Variants in MYO1E observed in about 807,000 individuals in gnomAD.
The protein encoded by MYO1E is unconventional myosin-Ie.
MYO1E carries 68 observed loss-of-function variants against 151.1 expected under a neutral mutation model. The observed-to-expected ratio is 0.45, with a 90% CI of 0.37 to 0.55. The LOEUF is 0.55. Among genes scored for constraint, MYO1E ranks in the 20% least tolerant of loss-of-function variants. The pLI is 0.00. For missense variants in MYO1E, 1,363 were observed against 1,389.3 expected, an observed-to-expected ratio of 0.98 and a Z score of 0.30; for synonymous variants, 601 against 501.7, an observed-to-expected ratio of 1.20 and a Z score of -2.64.
rs537271273 is a variant in MYO1E at position 59,174,830 on chromosome 15, G to A, written c.2050-590C>T. Among the ~76,000 whole-genome samples, 15 of 152,206 alleles carry A rather than the reference G, an allele frequency of 9.9e-5. No homozygotes were observed. In the South Asian group the frequency reaches 3.1e-3, roughly 32 times the overall value. On this transcript the variant is annotated intron_variant, in intron 19 of 27. Transcript: ENST00000288235. ...ATAATAACCACAGTGACTGGAGCTG[G>A]ACGTGAGGTGTGTTAATGAGGACTT...
At chr15:59,250,500 C>G (rs547294399) in intron 4 of MYO1E, among the ~76,000 whole-genome samples, 30 of 152,286 alleles carry the variant, frequency 2.0e-4, no homozygotes, top group Admixed American at 1.6e-3. Flanking sequence ...CCCTCCCAGA[C>G]CTCGCCCTCA....
At chr15:59,172,746 T>C (rs2079602968) in intron 21 of MYO1E, among the ~76,000 whole-genome samples, 1 of 152,236 alleles carries the variant, frequency 6.6e-6, no homozygotes, top group Non-Finnish European at 1.5e-5. Context: ...ATTTTCATTC[T>C]AAAATACTGA....
intron 1 of MYO1E, among the ~76,000 whole-genome samples, chr15:59,307,007 G>C (rs2080518514): frequency 6.6e-6 from 1 of 152,212 alleles, no homozygotes; most frequent in Non-Finnish European, 1.5e-5. Context: ...GGAACCGCTG[G>C]TCAGAGACTT....
intron 1 of MYO1E, chr15:59,341,398 A>G (rs1477633092): frequency 6.6e-6 from 1 of 152,158 alleles, no homozygotes; most frequent in Admixed American, 6.5e-5. Context: ...CAATTTTAGT[A>G]TACGTGTTAC....
chr15:59,165,045 C>A (rs969365691), intron 22 of MYO1E, among the ~76,000 whole-genome samples: 2 of 152,192 alleles, frequency 1.3e-5, no homozygotes, highest in Admixed American at 1.3e-4. Flanking sequence ...AAAGACTGGG[C>A]CTTCACCAGA....
chr15:59,344,019 A>G (rs909071254), intron 1 of MYO1E, among the ~76,000 whole-genome samples: 9 of 152,124 alleles, frequency 5.9e-5, no homozygotes, highest in African/African-American at 2.2e-4. Flanking sequence ...TGGTCAATTT[A>G]TTTCATTTGG....
At chr15:59,248,033 C>T (rs1381100073) in intron 4 of MYO1E, among the ~76,000 whole-genome samples, 1 of 132,604 alleles carries the variant, frequency 7.5e-6, no homozygotes, top group Non-Finnish European at 1.5e-5. Context: ...AAGGCTGAGG[C>T]AAGAGAATCA....
intron 1 of MYO1E, among the ~76,000 whole-genome samples, chr15:59,296,494 C>A (rs558544220): frequency 1.3e-5 from 2 of 152,200 alleles, no homozygotes; most frequent in South Asian, 2.1e-4. Context: ...CCAACACAGG[C>A]CAGCATGAAG....
rs1225011014 is a variant in MYO1E, at chr15:59,133,645, A to G, written c.*3735T>C. 5 of 152,270 alleles carry G rather than the reference A, an allele frequency of 3.3e-5. No individual in the cohort carries two copies. The highest frequency in any genetic ancestry group is 9.6e-5 in the African/African-American group (4 of 41,458). The allele number at this position is 152,270 out of a possible 1,614,324, so 9.4% of individuals were successfully genotyped here. On this transcript the variant is annotated 3_prime_UTR_variant, in exon 28 of 28. Transcript: ENST00000288235. The stretch of plus-strand genomic sequence containing the variant: ...AGGGAAAGAGGGCAGAATTGCAGAA[A>G]GGCTCCTCTGGTCTTTCTTTTGATC...
In MYO1E at chr15:59,234,236, G is replaced by A. The variant is rs571386450; in HGVS notation, c.420+2349C>T. ...CTGATGGATGGATGGATGGATGGAT[G>A]GATGGATGGGTGCATGGATGGATGG... On this transcript the variant is annotated intron_variant, in intron 5 of 27. Coordinates refer to ENST00000288235, the MANE Select transcript of MYO1E (RefSeq NM_004998.4). Among the ~76,000 whole-genome samples the A allele has an allele frequency of 3.4e-4, 48 of 141,108 alleles. No individual in the cohort carries two copies. The East Asian group carries it at 8.1e-3, about 24-fold the overall frequency. 92.6% of individuals were successfully genotyped at this position (141,108 alleles called of 152,430 possible).
intron 1 of MYO1E, among the ~76,000 whole-genome samples, chr15:59,290,576 C>A (rs745805071): frequency 6.6e-6 from 1 of 152,166 alleles, no homozygotes; most frequent in Admixed American, 6.5e-5. Flanking sequence ...TCAGTAACAG[C>A]GGGCTTCTCA....
chr15:59,223,130 G>A lies in MYO1E; in HGVS notation c.839C>T (p.Ala280Val), dbSNP rs375751619. The change falls in exon 9 of 28, where the codon GCG (alanine) becomes GTG (valine). Residue 280 changes from alanine (A) to valine (V), a missense_variant. Ala to Val is a moderately conservative substitution (Grantham distance 64). Coordinates refer to ENST00000288235, the MANE Select transcript of MYO1E (RefSeq NM_004998.4). The part of the protein sequence containing the change: ...EEQTLVLQIV[A>V]GILHLGNISF... ...GATGTTTCCCAGGTGGAGAATACCC[G>A]CCACTATCTGCAACACCAGCGTTTG... The A allele has an allele frequency of 9.3e-6, 15 of 1,614,008 alleles. No individual in the cohort carries two copies. Among genetic ancestry groups the A allele is most frequent in the African/African-American group, 2.7e-5 (2 of 74,886 alleles).
chr15:59,366,995 CGCAA>C (rs1221541719), intron 1 of MYO1E, among the ~76,000 whole-genome samples: 2,147 of 107,214 alleles, frequency 0.02, 64 homozygotes, highest in Middle Eastern at 0.028. Context: ...GCTGCATTTT[CGCAA>C]AAAAAAAAAA....
At position 59,137,069 on chromosome 15, in the gene MYO1E, A is replaced by G; in HGVS notation, c.*311T>C. 2.4e-6 allele frequency: 1 copy of G among 421,574 alleles called. No homozygotes were observed. The highest frequency in any genetic ancestry group is 2.2e-5 in the South Asian group (1 of 45,674). 26.1% of individuals were successfully genotyped at this position (421,574 alleles called of 1,614,324 possible). On this transcript the variant is annotated 3_prime_UTR_variant, in exon 28 of 28. Coordinates refer to ENST00000288235, the MANE Select transcript of MYO1E (RefSeq NM_004998.4). Reference sequence around the variant, plus strand: ...GCAAGCAGGGTGCTGTTTTGATAGAAGCCTACAAGGTCTGAGCAGACCTCA... The same window carrying G: ...GCAAGCAGGGTGCTGTTTTGATAGAGGCCTACAAGGTCTGAGCAGACCTCA...
chr15:59,163,415 G>C, intron 22 of MYO1E, 112 bp from the exon 23 acceptor site: 3 of 1,080,540 alleles, frequency 2.8e-6, no homozygotes, highest in South Asian at 3.0e-5. Context: ...AGATTTTACA[G>C]TCTTTCTTTC....
At chr15:59,260,253 A>C (rs2080217544) in intron 3 of MYO1E, among the ~76,000 whole-genome samples, 1 of 152,202 alleles carries the variant, frequency 6.6e-6, no homozygotes, top group Non-Finnish European at 1.5e-5. Flanking sequence ...GCGCCTGCTG[A>C]TCAGGGCACT....
chr15:59,372,169 G>C (rs2080949908), intron 1 of MYO1E, among the ~76,000 whole-genome samples: 1 of 151,826 alleles, frequency 6.6e-6, no homozygotes, highest in African/African-American at 2.4e-5. Context: ...CCCAGCAGGA[G>C]GAGGGGACCC....
At chr15:59,299,118 C>T (rs1457387394) in intron 1 of MYO1E, among the ~76,000 whole-genome samples, 1 of 152,178 alleles carries the variant, frequency 6.6e-6, no homozygotes, top group Non-Finnish European at 1.5e-5. Flanking sequence ...GTTTTACAAG[C>T]CTGGAGTCCA....
chr15:59,188,858 TTTAAC>T (rs1377772055), intron 17 of MYO1E, among the ~76,000 whole-genome samples: 1 of 152,144 alleles, frequency 6.6e-6, no homozygotes, highest in Non-Finnish European at 1.5e-5. Flanking sequence ...GGAAAGAACT[TTTAAC>T]TTTTGAATTA....
Sources: allele counts gnomAD v4.1 joint callset (sites outside exome capture counted in the v4.1 genomes callset), GRCh38; gene constraint gnomAD v4.1.1; transcripts MANE v1.5; gene names NCBI Gene and HGNC (gene_info 2026-07-23, HGNC 2026-07-21).